The following JAK2 variants were observed in gnomAD, a reference collection of about 807,000 sequenced individuals.
JAK2 encodes tyrosine-protein kinase JAK2.
In JAK2, 86 loss-of-function variants were observed where a neutral mutation model predicts 139.3. That is an observed-to-expected ratio of 0.62 (90% CI 0.52 to 0.74). The LOEUF (loss-of-function observed/expected upper bound fraction) is 0.74. Ranked by LOEUF, JAK2 falls within the 30% of genes least tolerant of loss-of-function variation. The pLI, the probability that JAK2 is intolerant of heterozygous loss-of-function variation, is 0.00. For synonymous variants in JAK2, 490 were observed against 437.7 expected (o/e 1.12, Z -1.49); for missense variants, 1,421 against 1,360.3 (o/e 1.04, Z -0.70).
intron 22 of JAK2, among the ~76,000 whole-genome samples, chr9:5,107,113 G>C (rs943354864): frequency 1.3e-5 from 2 of 152,094 alleles, no homozygotes; most frequent in Non-Finnish European, 2.9e-5. Flanking sequence ...TGTAGATGTA[G>C]TATGACTATT....
chr9:4,997,810 G>C (rs1202024623), intron 2 of JAK2, among the ~76,000 whole-genome samples: 1 of 152,172 alleles, frequency 6.6e-6, no homozygotes, highest in Non-Finnish European at 1.5e-5. Context: ...TCTGATTGAT[G>C]AGTAACTGGA....
At position 5,036,826 on chromosome 9, in the gene JAK2, CA is replaced by C. The variant is rs1474453342; in HGVS notation, c.350+6924del. On this transcript the variant is annotated intron_variant, in intron 4 of 24. Transcript: ENST00000381652. ...GGCAAGGACTTCATGTCTAAAACAC[CA>C]AAAGCAATGGCAACAAAAGCCAGAA... Among the ~76,000 whole-genome samples the C allele has an allele frequency of 1.8e-4, 28 of 152,002 alleles. No homozygotes were observed. In the East Asian group the frequency reaches 4.3e-3, roughly 23 times the overall value.
intron 22 of JAK2, chr9:5,111,619 C>T: frequency 2.7e-6 from 1 of 374,136 alleles, no homozygotes; most frequent in Non-Finnish European, 5.2e-6. Flanking sequence ...TGGGCTTTGG[C>T]CCCATGCTGG....
intron 22 of JAK2, among the ~76,000 whole-genome samples, chr9:5,106,115 G>A (rs1821933091): frequency 6.6e-6 from 1 of 152,138 alleles, no homozygotes; most frequent in South Asian, 2.1e-4. Flanking sequence ...CCATTAGAGT[G>A]GACAGGCAAC....
upstream of JAK2, chr9:4,984,416 C>A (rs1819826567): frequency 6.6e-6 from 1 of 152,256 alleles, no homozygotes; most frequent in African/African-American, 2.4e-5. Flanking sequence ...CACCAGGCCA[C>A]GCCGGTAAAG....
chr9:5,057,765 T>C (rs1336695168), intron 8 of JAK2, among the ~76,000 whole-genome samples: 1 of 151,948 alleles, frequency 6.6e-6, no homozygotes, highest in African/African-American at 2.4e-5. Flanking sequence ...GTATCTTTAG[T>C]AGAGACGGGG....
chr9:4,997,914 C>T (rs1281766280), intron 2 of JAK2, among the ~76,000 whole-genome samples: 1 of 151,622 alleles, frequency 6.6e-6, no homozygotes, highest in African/African-American at 2.4e-5. Context: ...TCCATAGGTG[C>T]TTAATTTTTT....
intron 10 of JAK2, among the ~76,000 whole-genome samples, chr9:5,067,075 A>C (rs776115356): frequency 6.6e-6 from 1 of 151,994 alleles, no homozygotes; most frequent in Non-Finnish European, 1.5e-5. Context: ...TATTTCATCA[A>C]GTGTCTTGAT....
At chr9:4,993,822 G>A (rs1820403026) in intron 2 of JAK2, among the ~76,000 whole-genome samples, 1 of 152,228 alleles carries the variant, frequency 6.6e-6, no homozygotes, top group African/African-American at 2.4e-5. Context: ...TGGGGCCACT[G>A]TTTGTGTGGA....
intron 2 of JAK2, among the ~76,000 whole-genome samples, chr9:5,019,828 T>A (rs1822297635): frequency 6.6e-6 from 1 of 152,204 alleles, no homozygotes; most frequent in African/African-American, 2.4e-5. Flanking sequence ...TGTCTGTGAT[T>A]TCCTCAGTGG....
At chr9:4,996,528 A>G (rs1335453307) in intron 2 of JAK2, among the ~76,000 whole-genome samples, 1 of 152,036 alleles carries the variant, frequency 6.6e-6, no homozygotes, top group Non-Finnish European at 1.5e-5. Flanking sequence ...TATATGTATA[A>G]TTTATTTTTT....
intron 2 of JAK2, among the ~76,000 whole-genome samples, chr9:5,007,654 C>G (rs1395027934): frequency 6.6e-6 from 1 of 151,502 alleles, no homozygotes; most frequent in Non-Finnish European, 1.5e-5. Flanking sequence ...TTTACTCATA[C>G]TTTAATGGCA....
chr9:5,019,709 A>T (rs991643614), intron 2 of JAK2, among the ~76,000 whole-genome samples: 4 of 152,116 alleles, frequency 2.6e-5, no homozygotes, highest in African/African-American at 9.7e-5. Flanking sequence ...TTTTTCCTGA[A>T]GATTTGACTG....
intron 2 of JAK2, among the ~76,000 whole-genome samples, chr9:4,999,302 C>G (rs1377675304): frequency 6.6e-6 from 1 of 152,150 alleles, no homozygotes; most frequent in African/African-American, 2.4e-5. Context: ...GTGAAAGAAT[C>G]ATGACATTGT....
intron 14 of JAK2, among the ~76,000 whole-genome samples, chr9:5,075,641 A>C (rs1337955438): frequency 1.3e-5 from 2 of 152,316 alleles, no homozygotes; most frequent in East Asian, 1.9e-4. Flanking sequence ...AGTATTACTG[A>C]TCATTGACAA....
chr9:5,125,786 G>A (rs1276197953), intron 23 of JAK2, among the ~76,000 whole-genome samples: 2 of 151,390 alleles, frequency 1.3e-5, no homozygotes, highest in Non-Finnish European at 3.0e-5. Context: ...ATGTATATAT[G>A]TGAATTATCT....
At chr9:5,005,734 T>C (rs1473710432) in intron 2 of JAK2, among the ~76,000 whole-genome samples, 1 of 152,202 alleles carries the variant, frequency 6.6e-6, no homozygotes, top group Non-Finnish European at 1.5e-5. Flanking sequence ...ATAAGCTCAA[T>C]GTTTCTTCCT....
At chr9:5,092,358 G>A (rs1482357347) in intron 22 of JAK2, among the ~76,000 whole-genome samples, 1 of 152,102 alleles carries the variant, frequency 6.6e-6, no homozygotes, top group Non-Finnish European at 1.5e-5. Context: ...ATGAATAGAG[G>A]AGATAAGTCG....
chr9:5,110,793 G>A (rs1054678942), intron 22 of JAK2: 12 of 408,290 alleles, frequency 2.9e-5, no homozygotes, highest in African/African-American at 2.1e-4. Flanking sequence ...CCCGGGCCAC[G>A]CGCGACGCCT....
Sources: allele counts gnomAD v4.1 joint callset (sites outside exome capture counted in the v4.1 genomes callset), GRCh38; gene constraint gnomAD v4.1.1; transcripts MANE v1.5; gene names NCBI Gene and HGNC (gene_info 2026-07-23, HGNC 2026-07-21).